CARM1: variants seen among roughly 807,000 people sequenced by gnomAD.
CARM1 encodes coactivator associated arginine methyltransferase 1.
Under a neutral mutation model 72.7 loss-of-function variants are expected in CARM1, and 14 were observed. That is an observed-to-expected ratio of 0.19 (90% CI 0.13 to 0.30). The LOEUF is 0.30. Ranked by LOEUF, CARM1 falls within the 10% of genes least tolerant of loss-of-function variation. The probability of loss-of-function intolerance (pLI) is 1.00; values close to 1 mark genes in which losing one functional copy is unlikely to be tolerated. For synonymous variants in CARM1, 333 were observed against 345.5 expected (o/e 0.96, Z 0.40); for missense variants, 432 against 833.7 (o/e 0.52, Z 5.93).
rs1487604641 is a variant in CARM1, at chr19:10,916,796, G to A, written c.1020+19G>A. 2 of 1,528,064 alleles carry A rather than the reference G, an allele frequency of 1.3e-6. No homozygotes were observed. Among genetic ancestry groups the A allele is most frequent in the Non-Finnish European group, 1.8e-6 (2 of 1,126,750 alleles). The allele number at this position is 1,528,064 out of a possible 1,614,324, so 94.7% of individuals were successfully genotyped here. The stretch of plus-strand genomic sequence containing the variant: ...TGTGGTGGTGAGTAGGGCCTCCAGG[G>A]TACTGCTGCAGTGATCACTTGCCAT... On this transcript the variant is annotated intron_variant, in intron 8 of 15. Transcript: ENST00000327064. The surrounding 1 kb of genome is among the most constrained non-coding windows in gnomAD (Gnocchi z 4.4).
At chr19:10,883,449 G>A (rs1427494885) in intron 1 of CARM1, among the ~76,000 whole-genome samples, 1 of 152,162 alleles carries the variant, frequency 6.6e-6, no homozygotes, top group African/African-American at 2.4e-5. Context: ...CTCACTCTGG[G>A]GAACTGCTTG....
In CARM1 at chr19:10,871,640, AGCG is replaced by A. The variant is rs1241679236; in HGVS notation, c.-54_-52del. The A allele has an allele frequency of 0.32, 45,226 of 143,028 alleles. 7,679 individuals are homozygous for A. The highest frequency in any genetic ancestry group is 0.61 in the East Asian group (2,379 of 3,910). 8.9% of individuals were successfully genotyped at this position (143,028 alleles called of 1,614,324 possible). ...CGGCGGCGGCGGCGGCGGCGGCGGC[AGCG>A]GCGGCGGCCTGGGCCCGGGCGCAGC... On this transcript the variant is annotated 5_prime_UTR_variant, in exon 1 of 16. Coordinates refer to ENST00000327064, the MANE Select transcript of CARM1 (RefSeq NM_199141.2). This position sits in a 1 kb window ranked among gnomAD's most constrained non-coding sequence, Gnocchi z 5.6.
intron 1 of CARM1, among the ~76,000 whole-genome samples, chr19:10,901,069 C>T (rs1287369495): frequency 6.6e-6 from 1 of 151,240 alleles, no homozygotes; most frequent in Admixed American, 6.6e-5. Context: ...GCAACCTCCA[C>T]CTCCCTGATT....
chr19:10,916,589 C>G lies in CARM1; in HGVS notation c.938+92C>G. The G allele has an allele frequency of 7.1e-7, 1 of 1,403,264 alleles. No individual in the cohort carries two copies. Among genetic ancestry groups the G allele is most frequent in the Non-Finnish European group, 1.0e-6 (1 of 1,004,694 alleles). 86.9% of individuals were successfully genotyped at this position (1,403,264 alleles called of 1,614,324 possible). A position where few individuals can be genotyped will look rare whatever the true frequency, so the allele number is the denominator to read the frequency against. On this transcript the variant is annotated intron_variant, in intron 7 of 15. Transcript: ENST00000327064. The surrounding 1 kb of genome is among the most constrained non-coding windows in gnomAD (Gnocchi z 4.4). ...CCAGAGAGCCTGCACTCCTCTTTTT[C>G]TGAAAGACTTGGGCTAGATGAGGGC...
intron 8 of CARM1, among the ~76,000 whole-genome samples, chr19:10,917,307 C>G (rs923837040): frequency 2.6e-5 from 4 of 151,976 alleles, no homozygotes; most frequent in African/African-American, 9.7e-5. Flanking sequence ...GAAACCCCAT[C>G]TCTACTAAAA....
At chr19:10,878,730 T>G (rs1169360201) in intron 1 of CARM1, among the ~76,000 whole-genome samples, 1 of 151,932 alleles carries the variant, frequency 6.6e-6, no homozygotes, top group Non-Finnish European at 1.5e-5. Flanking sequence ...TGTGCTCTAA[T>G]GCTAAAGTGT....
intron 1 of CARM1, among the ~76,000 whole-genome samples, chr19:10,874,922 G>C (rs2073851539): frequency 6.6e-6 from 1 of 152,000 alleles, no homozygotes; most frequent in Admixed American, 6.6e-5. Context: ...TACTCCGGAG[G>C]ATGAGGTGGG....
chr19:10,884,027 T>G (rs546179300), intron 1 of CARM1, among the ~76,000 whole-genome samples: 2,291 of 143,090 alleles, frequency 0.016, 41 homozygotes, highest in Middle Eastern at 0.023. Flanking sequence ...TTTTTTTTTT[T>G]TTTCGTTTTT....
At chr19:10,900,829 A>T (rs893186394) in intron 1 of CARM1, among the ~76,000 whole-genome samples, 13 of 151,772 alleles carry the variant, frequency 8.6e-5, no homozygotes, top group African/African-American at 3.1e-4. Flanking sequence ...GACTACAGGC[A>T]CCCGTCACCA....
rs2074154792 is a variant in CARM1 at position 10,912,039 on chromosome 19, C to T, written c.559-145C>T. 4.1e-6 allele frequency: 3 copies of T among 726,970 alleles called. No individual in the cohort carries two copies. The highest frequency in any genetic ancestry group is 7.5e-6 in the Non-Finnish European group (3 of 400,034). 45.0% of individuals were successfully genotyped at this position (726,970 alleles called of 1,614,324 possible). ...GCCCATGGCTCATCTTGAGTTCTCG[C>T]TTCATTTTGACCAAGAGCCCATAAA... On this transcript the variant is annotated intron_variant, in intron 4 of 15. Coordinates refer to ENST00000327064, the MANE Select transcript of CARM1 (RefSeq NM_199141.2). This position sits in a 1 kb window ranked among gnomAD's most constrained non-coding sequence, Gnocchi z 4.5.
At chr19:10,894,762 A>T (rs1212889092) in intron 1 of CARM1, among the ~76,000 whole-genome samples, 1 of 145,908 alleles carries the variant, frequency 6.9e-6, no homozygotes, top group East Asian at 2.0e-4. Context: ...TCTTCTTGAA[A>T]TGGGGTCTCA....
chr19:10,919,527 G>T, intron 8 of CARM1, 68 bp from the exon 9 acceptor site: 1 of 1,174,048 alleles, frequency 8.5e-7, no homozygotes. Context: ...TGGGGGAAGG[G>T]GCAGGGCTCT....
Position 10,922,556 on chromosome 19 carries a change from G to C in CARM1, c.*799G>C, listed in dbSNP as rs2074274585. On this transcript the variant is annotated 3_prime_UTR_variant, in exon 16 of 16. Transcript: ENST00000327064. ...CTGCCGGCCACTTGGGGCAGACACA[G>C]ACACCTCAAGGATCTGTCACGGAAG... The C allele has an allele frequency of 6.9e-6, 1 of 144,548 alleles. No individual in the cohort carries two copies. Among genetic ancestry groups the C allele is most frequent in the Non-Finnish European group, 1.5e-5 (1 of 67,096 alleles). 9.0% of individuals were successfully genotyped at this position (144,548 alleles called of 1,614,324 possible). A position where few individuals can be genotyped will look rare whatever the true frequency, so the allele number is the denominator to read the frequency against.
intron 2 of CARM1, among the ~76,000 whole-genome samples, chr19:10,906,272 AT>A (rs1353549072): frequency 1.3e-5 from 2 of 151,910 alleles, no homozygotes; most frequent in African/African-American, 4.8e-5. Context: ...TCTTAAGACT[AT>A]TTGTATTTTA....
rs2074199299 is a variant in CARM1 at position 10,916,674 on chromosome 19, TG to T, written c.939-17del. 5 of 1,566,148 alleles carry T rather than the reference TG, an allele frequency of 3.2e-6. No individual in the cohort carries two copies. Among genetic ancestry groups the T allele is most frequent in the South Asian group, 1.2e-5 (1 of 85,632 alleles). On this transcript the variant is annotated intron_variant, in intron 7 of 15. Coordinates refer to ENST00000327064, the MANE Select transcript of CARM1 (RefSeq NM_199141.2). The surrounding 1 kb of genome is among the most constrained non-coding windows in gnomAD (Gnocchi z 4.4). ...CTCTTCTGCAGCCCTGACCTTGCTG[TG>T]GGGGTGGGGCCTGTCCACAGGTACC...
rs1477110517 is a variant in CARM1 at position 10,916,700 on chromosome 19, C to G, written c.943C>G (p.Gln315Glu). Residue 315 changes from glutamine (Q) to glutamate (E), a missense_variant, in exon 8 of 16, where the codon CAG (glutamine) becomes GAG (glutamate). Around this residue, in one of 3 missense-constraint regions of CARM1, gnomAD observed 152 missense variants for 452.8 expected, o/e 0.34. Transcript: ENST00000327064. The surrounding 1 kb of genome is among the most constrained non-coding windows in gnomAD (Gnocchi z 4.4). Reference protein sequence around the residue: ...EQFTKANFWYQPSFHGVDLSA... With the variant: ...EQFTKANFWYEPSFHGVDLSA... The stretch of plus-strand genomic sequence containing the variant: ...GGGGGTGGGGCCTGTCCACAGGTAC[C>G]AGCCATCTTTCCATGGAGTGGACCT... 1 of 1,568,428 alleles carries G rather than the reference C, an allele frequency of 6.4e-7. No individual in the cohort carries two copies.
chr19:10,898,444 G>A (rs1045633205), intron 1 of CARM1, among the ~76,000 whole-genome samples: 2 of 152,346 alleles, frequency 1.3e-5, no homozygotes, highest in East Asian at 3.9e-4. Flanking sequence ...CAGGCCATGT[G>A]CACACAGTCC....
chr19:10,876,252 C>G (rs1013592303), intron 1 of CARM1, among the ~76,000 whole-genome samples: 2 of 152,216 alleles, frequency 1.3e-5, no homozygotes, highest in Non-Finnish European at 2.9e-5. Flanking sequence ...TCTTGAACTC[C>G]TGGGCTCAAG....
At chr19:10,918,585 A>G (rs1269498900) in intron 8 of CARM1, among the ~76,000 whole-genome samples, 1 of 152,070 alleles carries the variant, frequency 6.6e-6, no homozygotes, top group Non-Finnish European at 1.5e-5. Context: ...GCCTCGCTCA[A>G]AGCTCAGGAG....
Sources: allele counts gnomAD v4.1 joint callset (sites outside exome capture counted in the v4.1 genomes callset), GRCh38; gene constraint gnomAD v4.1.1; regional missense constraint gnomAD v4.1.1; non-coding constraint Gnocchi (gnomAD v3.1); transcripts MANE v1.5; gene names NCBI Gene and HGNC (gene_info 2026-07-23, HGNC 2026-07-21).